Variants in CHP1 observed in about 807,000 individuals in gnomAD.
The protein encoded by CHP1 is calcineurin like EF-hand protein 1.
Under a neutral mutation model 27.4 loss-of-function variants are expected in CHP1, and 11 were observed. The ratio of observed to expected loss-of-function variants is 0.40; its 90% CI spans 0.25 to 0.67. CHP1 has a LOEUF of 0.67. Among genes scored for constraint, CHP1 ranks in the 30% least tolerant of loss-of-function variants. The pLI is 0.38. For synonymous variants in CHP1, 89 were observed against 87.4 expected (o/e 1.02, Z -0.10); for missense variants, 169 against 251.3 (o/e 0.67, Z 2.22).
intron 1 of CHP1, among the ~76,000 whole-genome samples, chr15:41,242,293 G>T (rs1169321576): frequency 2.0e-5 from 3 of 152,082 alleles, no homozygotes; most frequent in African/African-American, 7.2e-5. Flanking sequence ...TTAATGCTTG[G>T]TGTAGGAGTA....
intron 2 of CHP1, among the ~76,000 whole-genome samples, chr15:41,256,429 T>C (rs1459285126): frequency 6.6e-6 from 1 of 152,180 alleles, no homozygotes; most frequent in Non-Finnish European, 1.5e-5. Flanking sequence ...ATTATTTCCT[T>C]GCATGTAAAT....
At position 41,279,676 on chromosome 15, in the gene CHP1, G is replaced by A; in HGVS notation, c.*287G>A. On this transcript the variant is annotated 3_prime_UTR_variant, in exon 7 of 7. Coordinates refer to ENST00000334660, the MANE Select transcript of CHP1 (RefSeq NM_007236.5). ...CTGCTGAATGCCACACATCCATCCA[G>A]TCTGAGAAAGTGAGAGAGGCAATCA... 1 of 340,866 alleles carries A rather than the reference G, an allele frequency of 2.9e-6. No individual in the cohort carries two copies. The highest frequency in any genetic ancestry group is 5.4e-6 in the Non-Finnish European group (1 of 186,480). 21.1% of individuals were successfully genotyped at this position (340,866 alleles called of 1,614,324 possible). A position where few individuals can be genotyped will look rare whatever the true frequency, so the allele number is the denominator to read the frequency against.
chr15:41,249,798 T>C (rs895214893), intron 2 of CHP1, among the ~76,000 whole-genome samples: 10 of 152,004 alleles, frequency 6.6e-5, no homozygotes, highest in African/African-American at 2.2e-4. Flanking sequence ...AAGGCAGTTG[T>C]AGTTATTAGG....
intron 4 of CHP1, among the ~76,000 whole-genome samples, chr15:41,270,265 T>G (rs183361827): frequency 0.012 from 1,816 of 150,514 alleles, 23 homozygotes; most frequent in African/African-American, 0.032. Context: ...AAGGAGTGTT[T>G]TGGGGGGGGG....
chr15:41,276,542 G>A (rs2047520340), intron 5 of CHP1, among the ~76,000 whole-genome samples: 1 of 152,222 alleles, frequency 6.6e-6, no homozygotes, highest in South Asian at 2.1e-4. Flanking sequence ...CCCTAAAGGT[G>A]TTAATAGAAT....
At chr15:41,253,897 G>A (rs936695609) in intron 2 of CHP1, among the ~76,000 whole-genome samples, 7 of 151,438 alleles carry the variant, frequency 4.6e-5, no homozygotes, top group Admixed American at 2.6e-4. Context: ...CAATCCTCCC[G>A]CTTCAGCTTC....
At chr15:41,268,915 C>T (rs2047475241) in intron 4 of CHP1, among the ~76,000 whole-genome samples, 1 of 144,570 alleles carries the variant, frequency 6.9e-6, no homozygotes, top group Non-Finnish European at 1.5e-5. Flanking sequence ...AGCTGAGATC[C>T]CACCACTGCA....
At chr15:41,257,175 T>G (rs555234600) in intron 3 of CHP1, among the ~76,000 whole-genome samples, 185 bp downstream of exon 3, 2 of 152,342 alleles carry the variant, frequency 1.3e-5, no homozygotes, top group African/African-American at 4.8e-5. Flanking sequence ...TGTTTTAAAC[T>G]TCAAATAGAT....
intron 1 of CHP1, among the ~76,000 whole-genome samples, chr15:41,235,135 CG>C (rs2047270267): frequency 6.6e-6 from 1 of 152,112 alleles, no homozygotes; most frequent in Non-Finnish European, 1.5e-5. Context: ...AAGGTGTAAT[CG>C]GGGATAAAGC....
chr15:41,237,515 G>A (rs2047283551), intron 1 of CHP1, among the ~76,000 whole-genome samples: 1 of 152,108 alleles, frequency 6.6e-6, no homozygotes, highest in Admixed American at 6.6e-5. Flanking sequence ...TTTATATAAT[G>A]TTTTAAAATC....
chr15:41,247,181 C>G (rs976584528), intron 2 of CHP1, among the ~76,000 whole-genome samples: 2 of 151,672 alleles, frequency 1.3e-5, no homozygotes, highest in African/African-American at 4.8e-5. Context: ...TCGGCCTGGC[C>G]GACATGGTGA....
At chr15:41,247,937 C>T (rs933344000) in intron 2 of CHP1, among the ~76,000 whole-genome samples, 2 of 151,958 alleles carry the variant, frequency 1.3e-5, no homozygotes, top group African/African-American at 4.8e-5. Flanking sequence ...CCACCATACT[C>T]CAGCCTGGGC....
chr15:41,249,335 T>C (rs1398266735), intron 2 of CHP1, among the ~76,000 whole-genome samples: 4 of 151,942 alleles, frequency 2.6e-5, no homozygotes, highest in Non-Finnish European at 5.9e-5. Flanking sequence ...GTATTTTTTG[T>C]AGAGAGGAGG....
chr15:41,236,591 G>A (rs1409779682), intron 1 of CHP1, among the ~76,000 whole-genome samples: 1 of 152,122 alleles, frequency 6.6e-6, no homozygotes, highest in Non-Finnish European at 1.5e-5. Flanking sequence ...GGGGATGGTG[G>A]TCCAGACCAG....
At chr15:41,251,492 G>A (rs1469302345) in intron 2 of CHP1, among the ~76,000 whole-genome samples, 1 of 152,200 alleles carries the variant, frequency 6.6e-6, no homozygotes, top group African/African-American at 2.4e-5. Context: ...TTGCAGACCA[G>A]TACCAGTCTG....
intron 2 of CHP1, among the ~76,000 whole-genome samples, chr15:41,250,090 T>TAAAAAAA (rs77882380): frequency 1.6e-5 from 2 of 127,256 alleles, no homozygotes; most frequent in Non-Finnish European, 1.7e-5. Context: ...GGTGTTATGT[T>TAAAAAAA]AAAAAAAAAA....
chr15:41,242,960 G>GT (rs1305153359), intron 1 of CHP1, among the ~76,000 whole-genome samples: 1 of 143,190 alleles, frequency 7.0e-6, no homozygotes, highest in Non-Finnish European at 1.6e-5. Context: ...AAAGAAAAAA[G>GT]TAAAAAAATA....
intron 2 of CHP1, chr15:41,256,665 C>T (rs1567007953): frequency 3.9e-6 from 2 of 510,304 alleles, no homozygotes; most frequent in Non-Finnish European, 7.1e-6. Context: ...ATTGACGTAA[C>T]CTGTGTGCTA....
At chr15:41,235,004 T>C (rs1448773616) in intron 1 of CHP1, among the ~76,000 whole-genome samples, 1 of 152,224 alleles carries the variant, frequency 6.6e-6, no homozygotes, top group Admixed American at 6.5e-5. Flanking sequence ...TTTATGAAAC[T>C]GTTATGATGT....
Sources: allele counts gnomAD v4.1 joint callset (sites outside exome capture counted in the v4.1 genomes callset), GRCh38; gene constraint gnomAD v4.1.1; transcripts MANE v1.5; gene names NCBI Gene and HGNC (gene_info 2026-07-23, HGNC 2026-07-21).